The following NOSIP variants were observed in gnomAD, a reference collection of about 807,000 sequenced individuals.
NOSIP encodes nitric oxide synthase-interacting protein.
In NOSIP, 25 loss-of-function variants were observed where a neutral mutation model predicts 36.4. The ratio of observed to expected loss-of-function variants is 0.69; its 90% CI spans 0.50 to 0.96. The LOEUF (loss-of-function observed/expected upper bound fraction) is 0.96, where lower values mean the gene tolerates loss of function less well. Ranked by LOEUF, NOSIP falls within the 40% of genes least tolerant of loss-of-function variation. NOSIP has a pLI of 0.00. For missense variants in NOSIP, 370 were observed against 429.0 expected (o/e 0.86, Z 1.21); for synonymous variants, 187 against 179.2 (o/e 1.04, Z -0.35).
rs2080251986 is a variant in NOSIP, at chr19:49,556,651, G to A, written c.623C>T (p.Ser208Phe). 1 of 1,611,332 alleles carries A rather than the reference G, an allele frequency of 6.2e-7. No homozygotes were observed. Among genetic ancestry groups the A allele is most frequent in the African/African-American group, 1.3e-5 (1 of 74,908 alleles). ...GGTGATGAGCCCCACGCGGTCCACG[G>A]AGCTGTCTAGCGGTGTGAAGTGCAC... ...TPVHFTPLDSSVDRVGLITRS... is the reference protein window; with the variant it reads ...TPVHFTPLDSFVDRVGLITRS... The change falls in exon 7 of 9, where the codon TCC (serine) becomes TTC (phenylalanine). Residue 208 changes from serine to phenylalanine, a missense_variant. Around this residue, in one of 3 missense-constraint regions of NOSIP, gnomAD observed 315 missense variants for 331.9 expected, o/e 0.95. Transcript: ENST00000596358.
chr19:49,564,805 G>C, intron 1 of NOSIP, among the ~76,000 whole-genome samples: 1 of 152,100 alleles, frequency 6.6e-6, no homozygotes, highest in East Asian at 1.9e-4. Flanking sequence ...AAGAAACTGG[G>C]CCATATCACA....
chr19:49,575,106 G>A (rs926285440), intron 1 of NOSIP, among the ~76,000 whole-genome samples: 9 of 151,848 alleles, frequency 5.9e-5, no homozygotes, highest in South Asian at 2.1e-4. Flanking sequence ...TTCGTGATCT[G>A]CCCACCTCGG....
chr19:49,568,798 G>GTTT (rs750047416), intron 1 of NOSIP, among the ~76,000 whole-genome samples: 2,550 of 106,316 alleles, frequency 0.024, 156 homozygotes, highest in African/African-American at 0.037. Context: ...AAAAAAAATA[G>GTTT]TTTGTTTGTT....
intron 1 of NOSIP, among the ~76,000 whole-genome samples, chr19:49,570,649 T>C (rs2080472340): frequency 1.3e-5 from 2 of 151,672 alleles, no homozygotes; most frequent in South Asian, 2.1e-4. Flanking sequence ...CATGCCAGGC[T>C]CCTCCTCCGA....
At chr19:49,570,638 A>G (rs2080472252) in intron 1 of NOSIP, among the ~76,000 whole-genome samples, 1 of 151,786 alleles carries the variant, frequency 6.6e-6, no homozygotes, top group South Asian at 2.1e-4. Context: ...GGTCCCCTCC[A>G]CATGCCAGGC....
In NOSIP at chr19:49,556,355, C is replaced by T. The variant is rs537534103; in HGVS notation, c.796G>A (p.Asp266Asn). ...ATGATGTCGCGGTCTGTGAGTTTGTCTCCAGTCACAGGGTCCACCATGTCC... is the reference window on the plus strand; with the variant it reads ...ATGATGTCGCGGTCTGTGAGTTTGTTTCCAGTCACAGGGTCCACCATGTCC... ...RKDMVDPVTG[D>N]KLTDRDIIVL... The change falls in exon 8 of 9, where the codon GAC (aspartate) becomes AAC (asparagine). Residue 266 changes from aspartate (D) to asparagine (N), a missense_variant. Asp to Asn is a conservative substitution (Grantham distance 23, BLOSUM62 1). Around this residue, in one of 3 missense-constraint regions of NOSIP, gnomAD observed 315 missense variants for 331.9 expected, o/e 0.95. Coordinates refer to ENST00000596358, the MANE Select transcript of NOSIP (RefSeq NM_001270960.2). 2.9e-4 allele frequency: 472 copies of T among 1,613,638 alleles called. 6 individuals carry two copies. In the South Asian group the frequency reaches 5.0e-3, roughly 17 times the overall value.
In NOSIP at chr19:49,557,193, C is replaced by G. The variant is rs775851227; in HGVS notation, c.315G>C (p.Ala105=). 3.7e-6 allele frequency: 6 copies of G among 1,606,182 alleles called. No individual in the cohort carries two copies. The East Asian group carries it at 6.7e-5, about 18-fold the overall frequency. Residue 105 remains alanine, a synonymous_variant, in exon 5 of 9, where the codon GCG becomes GCC. Coordinates refer to ENST00000596358, the MANE Select transcript of NOSIP (RefSeq NM_001270960.2). ...AGCCCCGCACATGGTCCTGCGAGGC[C>G]GCCCGCTGAAGCTCCTTCTGCTCCT... ...RREEQKELQR[A]ASQDHVRGFL... is the part of the protein sequence containing the mutation.
At chr19:49,578,284 C>T (rs1468513807) in intron 1 of NOSIP, among the ~76,000 whole-genome samples, 1 of 151,822 alleles carries the variant, frequency 6.6e-6, no homozygotes, top group African/African-American at 2.4e-5. Flanking sequence ...CCACCATGAC[C>T]AGCCAATTTT....
rs1444723145 is a variant in NOSIP at position 49,560,703 on chromosome 19, A to G, written c.-1-11T>C. 1.9e-6 allele frequency: 3 copies of G among 1,582,108 alleles called. No homozygotes were observed. The highest frequency in any genetic ancestry group is 1.8e-5 in the Admixed American group (1 of 55,728). ...CCATGCCGCGTCATCCTAGGGAGGA[A>G]GGGACAGTGGCAGGACTGTGGTTAC... On this transcript the variant is annotated splice_polypyrimidine_tract_variant and intron_variant, in intron 1 of 8. Transcript: ENST00000596358. This position sits in a 1 kb window ranked among gnomAD's most constrained non-coding sequence, Gnocchi z 4.6.
At chr19:49,567,462 C>G (rs1038900726) in intron 1 of NOSIP, among the ~76,000 whole-genome samples, 1 of 152,030 alleles carries the variant, frequency 6.6e-6, no homozygotes. Context: ...GCTCTCCATA[C>G]AGACTGCACA....
chr19:49,571,850 T>C (rs2080487790), intron 1 of NOSIP, among the ~76,000 whole-genome samples: 1 of 151,726 alleles, frequency 6.6e-6, no homozygotes, highest in Admixed American at 6.6e-5. Context: ...CTGGGTGTGT[T>C]GGTGCGCGCC....
chr19:49,572,973 A>C (rs2080505621), intron 1 of NOSIP, among the ~76,000 whole-genome samples: 1 of 74,470 alleles, frequency 1.3e-5, no homozygotes, highest in South Asian at 3.0e-4. Context: ...ACTGTGTCTC[A>C]AAAAAAAAAA....
chr19:49,555,785 T>G lies in NOSIP; in HGVS notation c.872A>C (p.Gln291Pro). 1 of 1,613,454 alleles carries G rather than the reference T, an allele frequency of 6.2e-7. No homozygotes were observed. The highest frequency in any genetic ancestry group is 8.5e-7 in the Non-Finnish European group (1 of 1,179,812). Residue 291 changes from glutamine (Q) to proline (P), a missense_variant, in exon 9 of 9, where the codon CAA (glutamine) becomes CCA (proline). Gln to Pro is a moderately conservative substitution (Grantham distance 76). Coordinates refer to ENST00000596358, the MANE Select transcript of NOSIP (RefSeq NM_001270960.2). ...TGFAGSGVKL[Q>P]AEKSRPVMQA Reference sequence around the variant, plus strand: ...CATCACCGGCCGTGATTTCTCCGCTTGCAGCTTCACTCCGGAGCCCGCGAA... The same window carrying G: ...CATCACCGGCCGTGATTTCTCCGCTGGCAGCTTCACTCCGGAGCCCGCGAA...
chr19:49,560,897 T>C lies in NOSIP; in HGVS notation c.-1-205A>G, dbSNP rs2080325067. 6.6e-6 allele frequency among the ~76,000 whole-genome samples: 1 copy of C among 152,186 alleles called. No homozygotes were observed. The highest frequency in any genetic ancestry group is 1.5e-5 in the Non-Finnish European group (1 of 68,034). On this transcript the variant is annotated intron_variant, in intron 1 of 8. Transcript: ENST00000596358. The surrounding 1 kb of genome is among the most constrained non-coding windows in gnomAD (Gnocchi z 4.6). The stretch of plus-strand genomic sequence containing the variant: ...TTCCAGACTCACCTAGACTCATTTA[T>C]ATGTGAAAATAGCACCTTTAACAAC...
At chr19:49,575,104 C>G (rs2080535004) in intron 1 of NOSIP, among the ~76,000 whole-genome samples, 1 of 152,086 alleles carries the variant, frequency 6.6e-6, no homozygotes, top group Non-Finnish European at 1.5e-5. Flanking sequence ...ACTTCGTGAT[C>G]TGCCCACCTC....
intron 1 of NOSIP, among the ~76,000 whole-genome samples, chr19:49,572,253 C>T (rs1008913230): frequency 2.7e-5 from 4 of 149,388 alleles, no homozygotes; most frequent in African/African-American, 7.4e-5. Context: ...TTACAGGCAC[C>T]CGCCACCATG....
chr19:49,570,579 G>A (rs1243769408), intron 1 of NOSIP, among the ~76,000 whole-genome samples: 1 of 151,990 alleles, frequency 6.6e-6, no homozygotes, highest in Non-Finnish European at 1.5e-5. Flanking sequence ...AGGCAGCCAG[G>A]GCTGCTTGCA....
intron 1 of NOSIP, among the ~76,000 whole-genome samples, chr19:49,574,895 C>T (rs2080531284): frequency 6.7e-6 from 1 of 148,400 alleles, no homozygotes; most frequent in Admixed American, 6.8e-5. Flanking sequence ...CGGAGTTTCG[C>T]TCTGTCACCC....
chr19:49,556,732 C>T lies in NOSIP; in HGVS notation c.542G>A (p.Arg181His). 1.2e-6 allele frequency: 2 copies of T among 1,605,548 alleles called. No individual in the cohort carries two copies. Among genetic ancestry groups the T allele is most frequent in the South Asian group, 1.1e-5 (1 of 90,392 alleles). The change falls in exon 7 of 9, where the codon CGC becomes CAC. Residue 181 changes from arginine (R) to histidine (H), a missense_variant. Arg to His is a conservative substitution (Grantham distance 29). This residue lies in a region of NOSIP where 315 missense variants were observed against 331.9 expected (regional missense o/e 0.95). Transcript: ENST00000596358. The part of the protein sequence containing the change: ...AKATKLEKPS[R>H]TVTCPMSGKP... ...CCCTGACATGGGGCAGGTCACCGTG[C>T]GGGACTGCAAGGGGCAGAGAGAGGC...
Sources: gnomAD v4.1 joint callset for allele counts (sites outside exome capture counted in the v4.1 genomes callset) on GRCh38, gnomAD v4.1.1 for gene constraint, gnomAD v4.1.1 regional missense constraint, Gnocchi (gnomAD v3.1) non-coding constraint, MANE v1.5 for transcripts, NCBI Gene and HGNC (gene_info 2026-07-23, HGNC 2026-07-21) for gene names.